Variants in WDR90 observed in about 807,000 individuals in gnomAD.
The protein encoded by WDR90 is WD repeat-containing protein 90.
A neutral mutation model predicts 195.2 loss-of-function variants in WDR90; 238 were observed. The ratio of observed to expected loss-of-function variants is 1.22; its 90% confidence interval spans 1.10 to 1.36. The LOEUF is 1.36. Ranked by LOEUF, WDR90 falls within the 40% of genes most tolerant of loss-of-function variation. WDR90 has a pLI of 0.00. For synonymous variants in WDR90, 1,265 were observed against 1,052.4 expected, an observed-to-expected ratio of 1.20 and a Z score of -3.91; for missense variants, 2,734 against 2,439.5, an observed-to-expected ratio of 1.12 and a Z score of -2.54.
In WDR90 at chr16:651,144, G is replaced by A. The variant is rs771903317; in HGVS notation, c.668+41G>A. ...TCTTTCGAGGGAGGCCTCGGTGGTG[G>A]GAGGGTGGGTGGCCCTTGGGCCCCC... On this transcript the variant is annotated intron_variant, in intron 6 of 40. Coordinates refer to ENST00000293879, the MANE Select transcript of WDR90 (RefSeq NM_145294.5). 11 of 1,613,044 alleles carry A rather than the reference G, an allele frequency of 6.8e-6. No individual in the cohort carries two copies. The South Asian group carries it at 1.1e-4, about 16-fold the overall frequency.
At chr16:651,549 C>T in intron 7 of WDR90, 95 bp from the exon 8 acceptor site, 3 of 1,262,656 alleles carry the variant, frequency 2.4e-6, no homozygotes, top group Non-Finnish European at 3.4e-6. Context: ...GCCGGTGAGG[C>T]TGGGCCACTT....
Position 650,280 on chromosome 16 carries a change from C to A in WDR90, c.306C>A (p.Phe102Leu). 6.2e-7 allele frequency: 1 copy of A among 1,613,014 alleles called. No individual in the cohort carries two copies. The highest frequency in any genetic ancestry group is 1.1e-5 in the South Asian group (1 of 91,090). The change falls in exon 4 of 41, where the codon TTC becomes TTA. Residue 102 changes from phenylalanine (F) to leucine (L), a missense_variant. Physicochemically the swap from Phe to Leu is conservative, Grantham distance 22 (BLOSUM62 0). Coordinates refer to ENST00000293879, the MANE Select transcript of WDR90 (RefSeq NM_145294.5). ...ACAACCAAGTCATCCGTGTGTCTTT[C>A]TCCAACCTCTTCAAGGAGTTTAAGT... ...SKDNQVIRVS[F>L]SNLFKEFKST... is the part of the protein sequence containing the mutation.
intron 32 of WDR90, 67 bp from the exon 33 acceptor site, chr16:662,153 G>T: frequency 2.6e-6 from 4 of 1,530,044 alleles, no homozygotes; most frequent in Non-Finnish European, 1.8e-6. Context: ...CTGGCGTCCG[G>T]GCAGCCTTGT....
chr16:649,514 G>A (rs1391316707), intron 1 of WDR90, 88 bp downstream of exon 1: 3 of 1,269,802 alleles, frequency 2.4e-6, no homozygotes, highest in African/African-American at 3.1e-5. Flanking sequence ...CAGGGCCCCC[G>A]CCTAGGCCCT....
chr16:651,470 T>C (rs2037645898), intron 7 of WDR90, among the ~76,000 whole-genome samples, 174 bp from the exon 8 acceptor site: 1 of 152,072 alleles, frequency 6.6e-6, no homozygotes, highest in African/African-American at 2.4e-5. Context: ...GCCCCAAGCT[T>C]TCTAGCTGGA....
At position 653,536 on chromosome 16, in the gene WDR90, G is replaced by A. The variant is rs1332571879; in HGVS notation, c.1245G>A (p.Leu415=). ...CTTCTGCCTCCTAGGTCTCCGCCCT[G>A]GCGCTGGATGGCAGCAGCTCACTAT... is the stretch of plus-strand genomic sequence containing the variant. ...FLGHTDKVSA[L]ALDGSSSLLA... Residue 415 remains leucine (L), a synonymous_variant, in exon 12 of 41, where the codon CTG becomes CTA. Transcript: ENST00000293879. The A allele has an allele frequency of 1.2e-6, 2 of 1,613,312 alleles. No homozygotes were observed. The highest frequency in any genetic ancestry group is 1.3e-5 in the African/African-American group (1 of 75,058).
intron 19 of WDR90, 24 bp downstream of exon 19, chr16:656,895 C>T (rs1207839819): frequency 1.2e-6 from 2 of 1,607,488 alleles, no homozygotes; most frequent in Non-Finnish European, 8.5e-7. Context: ...TGGCCACCAG[C>T]CCCACGGAGA....
intron 2 of WDR90, 50 bp from the exon 3 acceptor site, chr16:649,941 G>T (rs1222143475): frequency 6.3e-7 from 1 of 1,594,242 alleles, no homozygotes; most frequent in Non-Finnish European, 8.6e-7. Flanking sequence ...CCTCGCCCCC[G>T]CTGCACTTCT....
rs967274919 is a variant in WDR90 at position 651,268 on chromosome 16, T to G, written c.736+2T>G. ...AGAGCTGTTCCCCTCCTGAGGCAGG[T>G]GGGTCTGGGGGGTCAGCGGGGACCC... On this transcript the variant is annotated splice_donor_variant, in intron 7 of 40. Transcript: ENST00000293879. LOFTEE classifies it high-confidence loss of function. 1 of 1,612,678 alleles carries G rather than the reference T, an allele frequency of 6.2e-7. No individual in the cohort carries two copies. The highest frequency in any genetic ancestry group is 1.3e-5 in the African/African-American group (1 of 74,926).
rs371421450 is a variant in WDR90, at chr16:655,880, C to T, written c.1957C>T (p.Leu653=). 5.0e-6 allele frequency: 8 copies of T among 1,594,670 alleles called. No individual in the cohort carries two copies. In the African/African-American group the frequency reaches 9.4e-5, roughly 19 times the overall value. Residue 653 remains leucine (L), a synonymous_variant, in exon 17 of 41, where the codon CTG becomes TTG. Coordinates refer to ENST00000293879, the MANE Select transcript of WDR90 (RefSeq NM_145294.5). ...GCCCCTGGACTTCTCCTCGGTGCTC[C>T]TGGAGGCAGGTGATGCTGTGGGCAC... ...LWPLDFSSVL[L]EAEHEGPVSS... is the part of the protein sequence containing the mutation.
intron 34 of WDR90, 139 bp from the exon 35 acceptor site, chr16:665,540 G>T: frequency 7.2e-7 from 1 of 1,397,548 alleles, no homozygotes; most frequent in Non-Finnish European, 1.0e-6. Context: ...GCTCCTTTCC[G>T]CCATGTGGAG....
At chr16:662,387 TGG>T in intron 33 of WDR90, 56 bp downstream of exon 33, 1 of 1,530,242 alleles carries the variant, frequency 6.5e-7, no homozygotes. Flanking sequence ...TGTCCCTGAC[TGG>T]GGCTTGCAGC....
chr16:666,059 C>G lies in WDR90; in HGVS notation c.4544C>G (p.Thr1515Arg), dbSNP rs766903229. Residue 1515 changes from threonine to arginine, a missense_variant, in exon 36 of 41, where the codon ACG (threonine) becomes AGG (arginine). Physicochemically the swap from Thr to Arg is moderately conservative, Grantham distance 71. Transcript: ENST00000293879. ...GSLRIFSVSR[T>R]AMELKMHPHP... ...CTGCGCATCTTCAGCGTCTCCCGCA[C>G]GGCCATGGAGCTCAAGATGCACCCC... 1.2e-6 allele frequency: 2 copies of G among 1,607,770 alleles called. No individual in the cohort carries two copies. The highest frequency in any genetic ancestry group is 2.7e-5 in the African/African-American group (2 of 74,934).
In WDR90 at chr16:658,246, G is replaced by T; in HGVS notation, c.2668G>T (p.Val890Leu). 6.2e-7 allele frequency: 1 copy of T among 1,612,600 alleles called. No individual in the cohort carries two copies. The highest frequency in any genetic ancestry group is 8.5e-7 in the Non-Finnish European group (1 of 1,179,890). ...CAGCCGCCTGGACTCAGCCATGGCT[G>T]TGTGCTTTGGCCCTGCAGCTCTGGG... Reference protein sequence around the residue: ...ASSRLDSAMAVCFGPAALGHL... With the variant: ...ASSRLDSAMALCFGPAALGHL... Residue 890 changes from valine (V) to leucine (L), a missense_variant, in exon 22 of 41, where the codon GTG (valine) becomes TTG (leucine). Physicochemically the swap from Val to Leu is conservative, Grantham distance 32 (BLOSUM62 1). Transcript: ENST00000293879.
Position 653,678 on chromosome 16 carries a change from C to G in WDR90, c.1379+8C>G. On this transcript the variant is annotated splice_region_variant and intron_variant, in intron 12 of 40. Transcript: ENST00000293879. The stretch of plus-strand genomic sequence containing the variant: ...CGTTGTCTGCTCTCTCAGGTGAGCA[C>G]AGGTCTGCCCCATGCAGGGGGAGGG... 2.5e-6 allele frequency: 4 copies of G among 1,613,092 alleles called. No homozygotes were observed. The highest frequency in any genetic ancestry group is 3.4e-6 in the Non-Finnish European group (4 of 1,179,672).
At chr16:650,516 G>T in intron 4 of WDR90, 23 bp from the exon 5 acceptor site, 2 of 1,591,896 alleles carry the variant, frequency 1.3e-6, no homozygotes, top group South Asian at 1.1e-5. Flanking sequence ...GGTGGGCGCT[G>T]ACCCTGAGTG....
rs369074482 is a variant in WDR90 at position 651,977 on chromosome 16, G to A, written c.991G>A (p.Gly331Ser). The change falls in exon 9 of 41, where the codon GGC becomes AGC. Residue 331 changes from glycine to serine, a missense_variant. Gly to Ser is a moderately conservative substitution (Grantham distance 56). Transcript: ENST00000293879. The stretch of plus-strand genomic sequence containing the variant: ...CTCTGACATCCACACGGCTGCTGCC[G>A]GCACCCACGTGTTGACTCACGAGTC... Reference protein sequence around the residue: ...EASDIHTAAAGTHVLTHESAE... With the variant: ...EASDIHTAAASTHVLTHESAE... 48 of 1,606,666 alleles carry A rather than the reference G, an allele frequency of 3.0e-5. No homozygotes were observed. The highest frequency in any genetic ancestry group is 2.1e-4 in the African/African-American group (16 of 74,830).
intron 34 of WDR90, 183 bp downstream of exon 34, chr16:663,027 T>C (rs929695403): frequency 1.6e-5 from 15 of 925,328 alleles, no homozygotes; most frequent in Non-Finnish European, 2.4e-5. Context: ...CCGTCCCGGT[T>C]GTGTCTGCAC....
At chr16:656,236 C>T (rs1016196921) in intron 17 of WDR90, 66 bp from the exon 18 acceptor site, 5 of 1,466,646 alleles carry the variant, frequency 3.4e-6, no homozygotes, top group Middle Eastern at 2.4e-4. Context: ...GTCGGGGACC[C>T]GAAGCCTGAG....
Sources: gnomAD v4.1 joint callset for allele counts (sites outside exome capture counted in the v4.1 genomes callset) on GRCh38, gnomAD v4.1.1 for gene constraint, MANE v1.5 for transcripts, NCBI Gene and HGNC (gene_info 2026-07-23, HGNC 2026-07-21) for gene names.